Variants in TTC8 observed in about 807,000 individuals in gnomAD.
TTC8 encodes tetratricopeptide repeat domain 8, also known as tetratricopeptide repeat protein 8.
In TTC8, 47 loss-of-function variants were observed where a neutral mutation model predicts 72.5. The ratio of observed to expected loss-of-function variants is 0.65; its 90% CI spans 0.51 to 0.83. The LOEUF is 0.83. TTC8 is among the 40% of genes least tolerant of loss of function. The pLI, the probability that TTC8 is intolerant of heterozygous loss-of-function variation, is 0.00. For synonymous variants in TTC8, 199 were observed against 221.4 expected, an observed-to-expected ratio of 0.90 and a Z score of 0.90; for missense variants, 611 against 623.2, an observed-to-expected ratio of 0.98 and a Z score of 0.21.
intron 10 of TTC8, among the ~76,000 whole-genome samples, chr14:88,866,560 C>T (rs1337482300): frequency 6.6e-6 from 1 of 152,060 alleles, no homozygotes; most frequent in African/African-American, 2.4e-5. Context: ...GTAAAATCAC[C>T]ACAGAGATGA....
chr14:88,879,818 A>C (rs2094968478), downstream of TTC8: 1 of 152,024 alleles, frequency 6.6e-6, no homozygotes, highest in African/African-American at 2.4e-5. Context: ...CTGGGATTAC[A>C]GGCATGCACC....
rs1301997127 is a variant in TTC8, at chr14:88,841,164, A to G, written c.457A>G (p.Ser153Gly). ...CGCCTACACAGCCCGCCCTATCACCAGCTCCTCCGGAAGATTTGTCAGGCT... is the reference window on the plus strand; with the variant it reads ...CGCCTACACAGCCCGCCCTATCACCGGCTCCTCCGGAAGATTTGTCAGGCT... Reference protein sequence around the residue: ...RTAYTARPITSSSGRFVRLGT... With the variant: ...RTAYTARPITGSSGRFVRLGT... The change falls in exon 5 of 15, where the codon AGC becomes GGC. Residue 153 changes from serine to glycine, a missense_variant. Ser to Gly is a moderately conservative substitution (Grantham distance 56, BLOSUM62 0). Coordinates refer to ENST00000380656, the MANE Select transcript of TTC8 (RefSeq NM_144596.4). 1.2e-6 allele frequency: 2 copies of G among 1,614,058 alleles called. No individual in the cohort carries two copies. Among genetic ancestry groups the G allele is most frequent in the Admixed American group, 1.7e-5 (1 of 59,988 alleles).
intron 12 of TTC8, 64 bp from the exon 13 acceptor site, chr14:88,872,266 T>A (rs2094937446): frequency 1.0e-5 from 16 of 1,606,956 alleles, no homozygotes; most frequent in Non-Finnish European, 1.4e-5. Flanking sequence ...GAGATACCTA[T>A]GAGGAAAGAA....
chr14:88,861,097 C>T (rs997012573), intron 9 of TTC8, 125 bp from the exon 10 acceptor site: 1 of 762,646 alleles, frequency 1.3e-6, no homozygotes. Flanking sequence ...AGCCACCACA[C>T]CCGGCTAAAA....
In TTC8 at chr14:88,872,458, T is replaced by G. The variant is rs368072201; in HGVS notation, c.1347+6T>G. The G allele has an allele frequency of 1.8e-5, 29 of 1,613,424 alleles. No individual in the cohort carries two copies. Among genetic ancestry groups the G allele is most frequent in the Non-Finnish European group, 2.4e-5 (28 of 1,179,744 alleles). On this transcript the variant is annotated splice_donor_region_variant and intron_variant, in intron 13 of 14. Transcript: ENST00000380656. Reference sequence around the variant, plus strand: ...GGAAGGGCCACGTTGAACAGGTCAGTGAACTGGCAGCGGCATGCTGGGCAG... The same window carrying G: ...GGAAGGGCCACGTTGAACAGGTCAGGGAACTGGCAGCGGCATGCTGGGCAG...
At chr14:88,829,140 T>C (rs575419500) in intron 1 of TTC8, among the ~76,000 whole-genome samples, 2 of 152,232 alleles carry the variant, frequency 1.3e-5, no homozygotes, top group African/African-American at 4.8e-5. Flanking sequence ...TCTGTAAGCA[T>C]GAAGAGTATT....
At chr14:88,844,598 G>A (rs1041641235) in intron 7 of TTC8, among the ~76,000 whole-genome samples, 69 of 151,794 alleles carry the variant, frequency 4.5e-4, no homozygotes, top group African/African-American at 1.6e-3. Context: ...AGGCTGGAAT[G>A]CAGTGGTATT....
intron 6 of TTC8, 101 bp from the exon 7 acceptor site, chr14:88,843,705 A>G: frequency 2.7e-6 from 2 of 754,286 alleles, no homozygotes; most frequent in South Asian, 3.4e-5. Context: ...CAAAAGATGG[A>G]TAGGCCCTTT....
chr14:88,844,279 C>G (rs1261314338), intron 7 of TTC8, among the ~76,000 whole-genome samples: 1 of 152,070 alleles, frequency 6.6e-6, no homozygotes, highest in Non-Finnish European at 1.5e-5. Flanking sequence ...TTCAAACATA[C>G]AAAAGTAGAG....
In TTC8 at chr14:88,877,407, C is replaced by A; in HGVS notation, c.1545C>A (p.Leu515=). ...IKQLRQHFAM[L] is the part of the protein sequence containing the mutation. ...AATTAAGGCAGCATTTTGCTATGCT[C>A]TGATTGTTCCTTAGACCACATATGT... The change falls in exon 15 of 15, where the codon CTC becomes CTA. Residue 515 remains leucine, a synonymous_variant. Coordinates refer to ENST00000380656, the MANE Select transcript of TTC8 (RefSeq NM_144596.4). 1 of 1,611,236 alleles carries A rather than the reference C, an allele frequency of 6.2e-7. No homozygotes were observed. Among genetic ancestry groups the A allele is most frequent in the Non-Finnish European group, 8.5e-7 (1 of 1,177,512 alleles).
At chr14:88,839,147 T>C (rs2094767401) in intron 2 of TTC8, among the ~76,000 whole-genome samples, 1 of 152,216 alleles carries the variant, frequency 6.6e-6, no homozygotes, top group South Asian at 2.1e-4. Flanking sequence ...TTTCAAATTA[T>C]TATTTTAGTA....
chr14:88,864,140 T>A (rs2094899866), intron 10 of TTC8, among the ~76,000 whole-genome samples: 2 of 152,222 alleles, frequency 1.3e-5, no homozygotes, highest in Admixed American at 6.5e-5. Flanking sequence ...TTTTTTATAC[T>A]TTCTGTATTT....
chr14:88,842,352 CTTAAGT>C (rs2094785567), intron 6 of TTC8, among the ~76,000 whole-genome samples: 1 of 152,112 alleles, frequency 6.6e-6, no homozygotes, highest in African/African-American at 2.4e-5. Context: ...GCTGTACAGA[CTTAAGT>C]TTAAGTCTGA....
rs764582038 is a variant in TTC8, at chr14:88,824,809, C to T, written c.102C>T (p.Ser34=). 1.5e-5 allele frequency: 24 copies of T among 1,613,046 alleles called. No individual in the cohort carries two copies. The East Asian group carries it at 2.7e-4, about 18-fold the overall frequency. ...TATGCACGCAGATGCTGGAGAAGTC[C>T]CCTTATGACCAGGTACCGGCCAGCT... is the stretch of plus-strand genomic sequence containing the variant. ...ADLCTQMLEK[S]PYDQEPDPEL... The change falls in exon 1 of 15, where the codon TCC becomes TCT. Residue 34 remains serine, a synonymous_variant. Coordinates refer to ENST00000380656, the MANE Select transcript of TTC8 (RefSeq NM_144596.4).
At position 88,824,761 on chromosome 14, in the gene TTC8, G is replaced by A. The variant is rs745942356; in HGVS notation, c.54G>A (p.Arg18=). Reference sequence around the variant, plus strand: ...TGGCCTGGAGCTATTTTAGGCGCAGGAAGTTCCAGCTCTGCGCCGATCTAT... The same window carrying A: ...TGGCCTGGAGCTATTTTAGGCGCAGAAAGTTCCAGCTCTGCGCCGATCTAT... ...LLLAWSYFRR[R]KFQLCADLCT... The change falls in exon 1 of 15, where the codon AGG becomes AGA. Residue 18 remains arginine, a synonymous_variant. Coordinates refer to ENST00000380656, the MANE Select transcript of TTC8 (RefSeq NM_144596.4). The A allele has an allele frequency of 2.2e-5, 36 of 1,613,140 alleles. No homozygotes were observed. The highest frequency in any genetic ancestry group is 8.9e-5 in the East Asian group (4 of 44,854).
intron 2 of TTC8, among the ~76,000 whole-genome samples, chr14:88,838,015 A>G (rs1222023242): frequency 1.3e-5 from 2 of 152,236 alleles, no homozygotes; most frequent in Admixed American, 6.5e-5. Flanking sequence ...CCTCAACCAG[A>G]AAAGTGCAAG....
chr14:88,847,152 C>T (rs954185447), intron 7 of TTC8, among the ~76,000 whole-genome samples: 6 of 152,084 alleles, frequency 3.9e-5, no homozygotes, highest in Non-Finnish European at 7.4e-5. Context: ...ATAAAAGCTC[C>T]GCAGGCAATG....
chr14:88,866,027 T>C (rs1178030016), intron 10 of TTC8, among the ~76,000 whole-genome samples: 1 of 152,062 alleles, frequency 6.6e-6, no homozygotes. Flanking sequence ...TTTATACTAT[T>C]AATTACTGCC....
Position 88,866,631 on chromosome 14 carries a change from G to A in TTC8, c.910-3428G>A, listed in dbSNP as rs376942489. Among the ~76,000 whole-genome samples, 9 of 152,184 alleles carry A rather than the reference G, an allele frequency of 5.9e-5. No homozygotes were observed. In the East Asian group the frequency reaches 1.2e-3, roughly 20 times the overall value. On this transcript the variant is annotated intron_variant, in intron 10 of 14. Coordinates refer to ENST00000380656, the MANE Select transcript of TTC8 (RefSeq NM_144596.4). The stretch of plus-strand genomic sequence containing the variant: ...GCCCCCCTTTTGTACTTAGGGCTTG[G>A]TGACACCTATTTGGAAGAACTTAAT...
Sources: gnomAD v4.1 joint callset for allele counts (sites outside exome capture counted in the v4.1 genomes callset) on GRCh38, gnomAD v4.1.1 for gene constraint, MANE v1.5 for transcripts, NCBI Gene and HGNC (gene_info 2026-07-23, HGNC 2026-07-21) for gene names.